Variants in KCNIP4 observed in about 807,000 individuals in gnomAD.
The protein encoded by KCNIP4 is potassium voltage-gated channel interacting protein 4.
KCNIP4 carries 12 observed loss-of-function variants against 34.0 expected under a neutral mutation model. That is an observed-to-expected ratio of 0.35 (90% CI 0.23 to 0.57). KCNIP4 has a LOEUF of 0.57. KCNIP4 is among the 20% of genes least tolerant of loss of function. The pLI is 0.83. For synonymous variants in KCNIP4, 124 were observed against 102.2 expected, an observed-to-expected ratio of 1.21 and a Z score of -1.29; for missense variants, 238 against 311.7, an observed-to-expected ratio of 0.76 and a Z score of 1.78.
intron 1 of KCNIP4, among the ~76,000 whole-genome samples, chr4:21,502,699 T>G (rs1733469777): frequency 6.6e-6 from 1 of 152,096 alleles, no homozygotes; most frequent in South Asian, 2.1e-4. Flanking sequence ...AAATCAGAAA[T>G]GTTAATTTTC....
At chr4:21,076,002 G>A (rs1159726273) in intron 1 of KCNIP4, among the ~76,000 whole-genome samples, 1 of 152,160 alleles carries the variant, frequency 6.6e-6, no homozygotes, top group East Asian at 1.9e-4. Flanking sequence ...TCTGCTGAGA[G>A]ATCCACTGTT....
At chr4:20,967,359 G>A (rs1333029021) in intron 1 of KCNIP4, among the ~76,000 whole-genome samples, 1 of 152,056 alleles carries the variant, frequency 6.6e-6, no homozygotes, top group Non-Finnish European at 1.5e-5. Flanking sequence ...ACTGCCCAAG[G>A]TAATTTGTAG....
chr4:21,689,460 T>C (rs532024743), intron 1 of KCNIP4, among the ~76,000 whole-genome samples: 1 of 151,932 alleles, frequency 6.6e-6, no homozygotes, highest in Non-Finnish European at 1.5e-5. Context: ...GTCTTCCCAA[T>C]TGTGAGGTTA....
chr4:21,395,851 T>C (rs566326466), intron 1 of KCNIP4, among the ~76,000 whole-genome samples: 3 of 152,188 alleles, frequency 2.0e-5, no homozygotes, highest in African/African-American at 7.2e-5. Context: ...AATTTCAAAG[T>C]TCTGAATCAC....
chr4:21,279,500 T>TATAC (rs1762644933), intron 1 of KCNIP4, among the ~76,000 whole-genome samples: 1 of 149,410 alleles, frequency 6.7e-6, no homozygotes, highest in Non-Finnish European at 1.5e-5. Context: ...TATATATATA[T>TATAC]ACATACATAC....
chr4:21,473,483 G>T (rs1730637299), intron 1 of KCNIP4, among the ~76,000 whole-genome samples: 3 of 152,072 alleles, frequency 2.0e-5, no homozygotes, highest in East Asian at 3.9e-4. Flanking sequence ...GATGGTAAAA[G>T]AGTTTTTTTA....
chr4:20,961,074 C>T (rs1433942477), intron 1 of KCNIP4, among the ~76,000 whole-genome samples: 3 of 152,010 alleles, frequency 2.0e-5, no homozygotes, highest in Non-Finnish European at 4.4e-5. Flanking sequence ...TATTGCTTTT[C>T]CACTTCATAA....
intron 1 of KCNIP4, among the ~76,000 whole-genome samples, chr4:21,447,355 C>T (rs1460276853): frequency 6.6e-6 from 1 of 152,144 alleles, no homozygotes; most frequent in Non-Finnish European, 1.5e-5. Context: ...AGAGGAAGTG[C>T]AACCTGCTGA....
At chr4:21,915,255 G>A (rs1247264683) in intron 1 of KCNIP4, among the ~76,000 whole-genome samples, 1 of 152,168 alleles carries the variant, frequency 6.6e-6, no homozygotes, top group African/African-American at 2.4e-5. Context: ...TGGCCAGAGA[G>A]GGATGGTTTG....
intron 1 of KCNIP4, chr4:21,845,024 T>A (rs1035888465): frequency 6.6e-6 from 1 of 152,018 alleles, no homozygotes; most frequent in Non-Finnish European, 1.5e-5. Flanking sequence ...ACGGTTTTAA[T>A]TCAGGAAACA....
At chr4:20,987,303 A>C (rs1445236301) in intron 1 of KCNIP4, among the ~76,000 whole-genome samples, 2 of 152,138 alleles carry the variant, frequency 1.3e-5, no homozygotes, top group Middle Eastern at 3.2e-3. Context: ...TGCTAGCCCC[A>C]ACCCAGTTTG....
intron 1 of KCNIP4, among the ~76,000 whole-genome samples, chr4:21,644,651 C>T (rs748139584): frequency 1.7e-4 from 26 of 152,018 alleles, no homozygotes; most frequent in African/African-American, 3.4e-4. Context: ...TCTCAGAGTC[C>T]GCTGGAATTC....
intron 3 of KCNIP4, among the ~76,000 whole-genome samples, chr4:20,798,047 A>G (rs1713705654): frequency 6.6e-6 from 1 of 152,204 alleles, no homozygotes; most frequent in Non-Finnish European, 1.5e-5. Flanking sequence ...TCCTACCCAA[A>G]TAGTTTTTAT....
chr4:21,657,310 A>T (rs1748041345), intron 1 of KCNIP4, among the ~76,000 whole-genome samples: 1 of 151,992 alleles, frequency 6.6e-6, no homozygotes, highest in Non-Finnish European at 1.5e-5. Context: ...TTGGCTTATT[A>T]TTTTCCGGTC....
chr4:21,119,015 G>T (rs1182544844), intron 1 of KCNIP4, among the ~76,000 whole-genome samples: 3 of 152,168 alleles, frequency 2.0e-5, no homozygotes, highest in African/African-American at 7.2e-5. Context: ...ATATGATGAG[G>T]TTTTTGAAAC....
chr4:21,687,645 TG>T (rs1206749166), intron 1 of KCNIP4, among the ~76,000 whole-genome samples: 1 of 152,194 alleles, frequency 6.6e-6, no homozygotes, highest in African/African-American at 2.4e-5. Context: ...CCAGCTTGTG[TG>T]GGACAGTTTG....
chr4:21,866,592 G>A (rs1256639954), intron 1 of KCNIP4, among the ~76,000 whole-genome samples: 2 of 152,102 alleles, frequency 1.3e-5, no homozygotes, highest in African/African-American at 4.8e-5. Context: ...CACTAGAAGA[G>A]AAAGGAAAAG....
At chr4:21,274,485 G>A (rs1762325678) in intron 1 of KCNIP4, among the ~76,000 whole-genome samples, 1 of 152,124 alleles carries the variant, frequency 6.6e-6, no homozygotes, top group African/African-American at 2.4e-5. Flanking sequence ...GAGAACACTT[G>A]TACTAATCAC....
chr4:21,230,281 T>G (rs556654037), intron 1 of KCNIP4, among the ~76,000 whole-genome samples: 17 of 152,124 alleles, frequency 1.1e-4, no homozygotes, highest in Non-Finnish European at 2.1e-4. Context: ...ATTCCCCTGC[T>G]TGTGCTTTCC....
Sources: gnomAD v4.1 joint callset for allele counts (sites outside exome capture counted in the v4.1 genomes callset) on GRCh38, gnomAD v4.1.1 for gene constraint, MANE v1.5 for transcripts, NCBI Gene and HGNC (gene_info 2026-07-23, HGNC 2026-07-21) for gene names.